LAMC1: variants seen among roughly 807,000 people sequenced by gnomAD.
The protein encoded by LAMC1 is laminin subunit gamma-1.
A neutral mutation model predicts 173.6 loss-of-function variants in LAMC1; 38 were observed. The ratio of observed to expected loss-of-function variants is 0.22; its 90% confidence interval spans 0.17 to 0.29. The LOEUF is 0.29. LAMC1 is among the 10% of genes least tolerant of loss of function. The probability of loss-of-function intolerance (pLI) is 1.00; values close to 1 mark genes in which losing one functional copy is unlikely to be tolerated. For synonymous variants in LAMC1, 746 were observed against 749.1 expected (o/e 1.00, Z 0.07); for missense variants, 1,824 against 2,051.8 (o/e 0.89, Z 2.14).
intron 1 of LAMC1, among the ~76,000 whole-genome samples, chr1:183,081,965 A>C (rs1409048811): frequency 2.6e-5 from 4 of 152,178 alleles, no homozygotes. Flanking sequence ...CTTTCCCAGA[A>C]TGTCATATAG....
chr1:183,130,872 A>T (rs919047777), intron 19 of LAMC1, among the ~76,000 whole-genome samples: 1 of 152,170 alleles, frequency 6.6e-6, no homozygotes, highest in Admixed American at 6.5e-5. Context: ...GATCTCTGAA[A>T]ATAAGAAGAG....
In LAMC1 at chr1:183,023,730, A is replaced by G; in HGVS notation, c.14A>G (p.His5Arg). The G allele has an allele frequency of 8.4e-7, 1 of 1,186,782 alleles. No individual in the cohort carries two copies. Among genetic ancestry groups the G allele is most frequent in the Non-Finnish European group, 1.1e-6 (1 of 952,040 alleles). 73.5% of individuals were successfully genotyped at this position (1,186,782 alleles called of 1,614,324 possible). A position where few individuals can be genotyped will look rare whatever the true frequency, so the allele number is the denominator to read the frequency against. ...GCGGGCGGCGGGATGAGAGGGAGCC[A>G]TCGGGCCGCGCCGGCCCTGCGGCCC... is the stretch of plus-strand genomic sequence containing the variant. Reference protein sequence around the residue: MRGSHRAAPALRPRG... With the variant: MRGSRRAAPALRPRG... Residue 5 changes from histidine to arginine, a missense_variant, in exon 1 of 28, where the codon CAT becomes CGT. Transcript: ENST00000258341.
chr1:183,088,286 AG>A (rs1302080960), intron 1 of LAMC1, among the ~76,000 whole-genome samples: 1 of 152,252 alleles, frequency 6.6e-6, no homozygotes, highest in African/African-American at 2.4e-5. Context: ...TAGATGAGTC[AG>A]TCTACTGTAA....
At chr1:183,029,187 A>G (rs1220628844) in intron 1 of LAMC1, among the ~76,000 whole-genome samples, 3 of 152,080 alleles carry the variant, frequency 2.0e-5, no homozygotes, top group Admixed American at 6.6e-5. Context: ...TTTCCCACCA[A>G]TCGTTACTAT....
At chr1:183,103,708 C>A in intron 2 of LAMC1, 76 bp downstream of exon 2, 2 of 1,301,840 alleles carry the variant, frequency 1.5e-6, no homozygotes, top group Non-Finnish European at 2.1e-6. Context: ...TGTAGTGGGG[C>A]TTGTGGTCCC....
intron 1 of LAMC1, among the ~76,000 whole-genome samples, chr1:183,096,251 A>G (rs557507665): frequency 4.9e-4 from 75 of 152,296 alleles, no homozygotes; most frequent in Admixed American, 4.8e-3. Flanking sequence ...CGAAAAATCT[A>G]ATTTCCATAG....
chr1:183,129,982 T>G (rs187431082), intron 18 of LAMC1, among the ~76,000 whole-genome samples: 3 of 152,338 alleles, frequency 2.0e-5, no homozygotes, highest in African/African-American at 7.2e-5. Flanking sequence ...TTAACAACAT[T>G]GTAGATTTAT....
rs2296299 is a variant in LAMC1, at chr1:183,134,878, G to A, written c.3999+69G>A. 660,566 of 1,494,718 alleles carry A rather than the reference G, an allele frequency of 0.44. 147,601 individuals are homozygous for A. Among genetic ancestry groups the A allele is most frequent in the Middle Eastern group, 0.48 (2,709 of 5,686 alleles). The allele number at this position is 1,494,718 out of a possible 1,614,324, so 92.6% of individuals were successfully genotyped here. The stretch of plus-strand genomic sequence containing the variant: ...TGAACAGTCCAAATGGGTCTGTGAT[G>A]ATGCCGTACTTTCAGAGACAGCAGA... On this transcript the variant is annotated intron_variant, in intron 23 of 27. Transcript: ENST00000258341.
intron 1 of LAMC1, among the ~76,000 whole-genome samples, chr1:183,078,149 A>G (rs1013810943): frequency 2.0e-5 from 3 of 152,072 alleles, no homozygotes; most frequent in African/African-American, 7.2e-5. Context: ...GCATCTGGAG[A>G]TAAGATGTTA....
At chr1:183,133,735 C>A (rs1656863492) in intron 22 of LAMC1, among the ~76,000 whole-genome samples, 185 bp downstream of exon 22, 1 of 152,136 alleles carries the variant, frequency 6.6e-6, no homozygotes, top group African/African-American at 2.4e-5. Flanking sequence ...GTAATGCCAA[C>A]CCTGGGAGGC....
chr1:183,066,199 A>G (rs1248822888), intron 1 of LAMC1, among the ~76,000 whole-genome samples: 1 of 152,192 alleles, frequency 6.6e-6, no homozygotes, highest in Admixed American at 6.5e-5. Context: ...TCAACTTTAG[A>G]GTTCTTTTTT....
intron 1 of LAMC1, among the ~76,000 whole-genome samples, chr1:183,086,331 T>C (rs1232891526): frequency 1.3e-5 from 2 of 152,212 alleles, no homozygotes; most frequent in African/African-American, 4.8e-5. Flanking sequence ...CAAGTAGTGG[T>C]GGGAGTTCAG....
At chr1:183,142,428 G>C in intron 27 of LAMC1, 106 bp from the exon 28 acceptor site, 1 of 1,193,846 alleles carries the variant, frequency 8.4e-7, no homozygotes, top group African/African-American at 1.5e-5. Context: ...CGGGCTGCCT[G>C]TGCAGAATGG....
In LAMC1 at chr1:183,133,419, A is replaced by G; in HGVS notation, c.3718A>G (p.Lys1240Glu). 6.2e-7 allele frequency: 1 copy of G among 1,613,890 alleles called. No individual in the cohort carries two copies. Among genetic ancestry groups the G allele is most frequent in the Middle Eastern group, 1.6e-4 (1 of 6,062 alleles). ...EELNRKYEQA[K>E]NISQDLEKQA... ...TTTGTGTCTTAGGTATGAACAAGCG[A>G]AGAACATCTCACAGGATCTGGAAAA... The change falls in exon 22 of 28, where the codon AAG becomes GAG. Residue 1240 changes from lysine (K) to glutamate (E), a missense_variant. By Grantham distance (56) the Lys-to-Glu change is moderately conservative (BLOSUM62 1). Coordinates refer to ENST00000258341, the MANE Select transcript of LAMC1 (RefSeq NM_002293.4).
chr1:183,094,589 G>C (rs903600774), intron 1 of LAMC1, among the ~76,000 whole-genome samples: 6 of 152,194 alleles, frequency 3.9e-5, no homozygotes, highest in African/African-American at 1.4e-4. Context: ...ATTTGGACTT[G>C]AGCAATTATC....
intron 1 of LAMC1, among the ~76,000 whole-genome samples, chr1:183,076,753 C>CT (rs1202051098): frequency 6.6e-6 from 1 of 152,242 alleles, no homozygotes; most frequent in Non-Finnish European, 1.5e-5. Flanking sequence ...TGTGGATATA[C>CT]TGTCTAATGT....
intron 1 of LAMC1, among the ~76,000 whole-genome samples, chr1:183,025,413 T>C (rs1653660973): frequency 6.6e-6 from 1 of 152,374 alleles, no homozygotes; most frequent in East Asian, 1.9e-4. Flanking sequence ...TTTAACATCT[T>C]ATTTGCAGTT....
At chr1:183,129,909 T>C (rs980928311) in intron 18 of LAMC1, among the ~76,000 whole-genome samples, 1 of 152,240 alleles carries the variant, frequency 6.6e-6, no homozygotes, top group Admixed American at 6.5e-5. Context: ...CTTCAACTTA[T>C]GTTTTAAACC....
At chr1:183,033,318 A>G (rs912753891) in intron 1 of LAMC1, among the ~76,000 whole-genome samples, 1 of 152,216 alleles carries the variant, frequency 6.6e-6, no homozygotes, top group Non-Finnish European at 1.5e-5. Context: ...AGCTTGGTAG[A>G]CGCCTCAGGC....
Sources: gnomAD v4.1 joint callset for allele counts (sites outside exome capture counted in the v4.1 genomes callset) on GRCh38, gnomAD v4.1.1 for gene constraint, MANE v1.5 for transcripts, NCBI Gene and HGNC (gene_info 2026-07-23, HGNC 2026-07-21) for gene names.